The following ADAMTSL1 variants were observed in gnomAD, a reference collection of about 807,000 sequenced individuals.
ADAMTSL1 encodes the protein ADAMTS like 1.
In ADAMTSL1, 126 loss-of-function variants were observed where a neutral mutation model predicts 201.8. The observed-to-expected ratio is 0.62, with a 90% CI of 0.54 to 0.72. ADAMTSL1 has a LOEUF of 0.72. Among genes scored for constraint, ADAMTSL1 ranks in the 30% least tolerant of loss-of-function variants. ADAMTSL1 has a pLI of 0.00. For missense variants in ADAMTSL1, 2,679 were observed against 2,277.8 expected (o/e 1.18, Z -3.59); for synonymous variants, 1,121 against 903.4 (o/e 1.24, Z -4.32).
intron 2 of ADAMTSL1, among the ~76,000 whole-genome samples, chr9:18,417,196 A>T (rs1818713688): frequency 6.6e-6 from 1 of 151,976 alleles, no homozygotes; most frequent in South Asian, 2.1e-4. Context: ...AAATCAAGGA[A>T]AATTATAACG....
intron 1 of ADAMTSL1, among the ~76,000 whole-genome samples, chr9:18,030,419 G>A (rs891726394): frequency 1.3e-5 from 2 of 152,000 alleles, no homozygotes; most frequent in Admixed American, 1.3e-4. Flanking sequence ...AGTGGGGAGG[G>A]ATAGCATTAG....
At chr9:18,173,302 A>G (rs1240494178) in intron 2 of ADAMTSL1, among the ~76,000 whole-genome samples, 1 of 152,102 alleles carries the variant, frequency 6.6e-6, no homozygotes, top group African/African-American at 2.4e-5. Context: ...GATTTAATAT[A>G]TTTTTGCCTC....
At chr9:18,882,200 G>A (rs540414381) in intron 23 of ADAMTSL1, among the ~76,000 whole-genome samples, 1 of 152,252 alleles carries the variant, frequency 6.6e-6, no homozygotes, top group African/African-American at 2.4e-5. Context: ...TGAGGACTAT[G>A]AGAAAATATG....
At chr9:18,184,758 T>C (rs1295653541) in intron 2 of ADAMTSL1, among the ~76,000 whole-genome samples, 1 of 152,216 alleles carries the variant, frequency 6.6e-6, no homozygotes, top group African/African-American at 2.4e-5. Context: ...ATATTATTTC[T>C]TGAAAGTAGT....
intron 16 of ADAMTSL1, among the ~76,000 whole-genome samples, chr9:18,764,020 A>G (rs1200766954): frequency 6.6e-6 from 1 of 152,052 alleles, no homozygotes; most frequent in Non-Finnish European, 1.5e-5. Flanking sequence ...TTGTTTTTCT[A>G]TTTCTGTGAA....
chr9:18,862,063 G>A (rs183190478), intron 23 of ADAMTSL1, among the ~76,000 whole-genome samples: 3 of 152,248 alleles, frequency 2.0e-5, no homozygotes, highest in South Asian at 2.1e-4. Flanking sequence ...AGTCAGCAGC[G>A]GCTCCTTCCT....
At chr9:18,812,843 C>T (rs1823586991) in intron 20 of ADAMTSL1, among the ~76,000 whole-genome samples, 1 of 151,992 alleles carries the variant, frequency 6.6e-6, no homozygotes, top group South Asian at 2.1e-4. Context: ...GGATTCATTT[C>T]TGAGTTCTCT....
At chr9:18,059,414 A>G (rs1378276373) in intron 1 of ADAMTSL1, among the ~76,000 whole-genome samples, 1 of 152,170 alleles carries the variant, frequency 6.6e-6, no homozygotes, top group Non-Finnish European at 1.5e-5. Flanking sequence ...TGGAATGTGT[A>G]TAAAATTTTT....
intron 4 of ADAMTSL1, among the ~76,000 whole-genome samples, chr9:18,592,954 A>G (rs561120421): frequency 6.6e-6 from 1 of 152,190 alleles, no homozygotes; most frequent in African/African-American, 2.4e-5. Context: ...GTTAATACCT[A>G]GGTATTTTAT....
At chr9:18,798,168 T>C (rs1266357475) in intron 20 of ADAMTSL1, among the ~76,000 whole-genome samples, 2 of 151,830 alleles carry the variant, frequency 1.3e-5, no homozygotes, top group African/African-American at 2.4e-5. Flanking sequence ...TATGGACTTG[T>C]GTGTTGCCAG....
intron 2 of ADAMTSL1, among the ~76,000 whole-genome samples, chr9:18,533,043 C>G (rs117561534): frequency 0.022 from 3,357 of 152,044 alleles, 51 homozygotes; most frequent in Middle Eastern, 0.051. Flanking sequence ...TACTTAGTTT[C>G]AACCCTTATA....
rs376514508 is a variant in ADAMTSL1, at chr9:18,008,869, T to C, written c.87+101947T>C. Among the ~76,000 whole-genome samples, 10 of 151,998 alleles carry C rather than the reference T, an allele frequency of 6.6e-5. No individual in the cohort carries two copies. In the East Asian group the frequency reaches 1.6e-3, roughly 24 times the overall value. On this transcript the variant is annotated intron_variant, in intron 1 of 29. Coordinates refer to the ADAMTSL1 transcript ENST00000680146. ...AGATTCAGAACTGATTTACTTTATC[T>C]TGAACAAAAATGAAGACTACCTAAT... is the stretch of plus-strand genomic sequence containing the variant.
At chr9:18,747,150 A>G (rs943415495) in intron 15 of ADAMTSL1, among the ~76,000 whole-genome samples, 3 of 152,184 alleles carry the variant, frequency 2.0e-5, no homozygotes, top group African/African-American at 7.2e-5. Context: ...AGAGTATAAT[A>G]TAATAATTAG....
At chr9:18,375,444 T>A (rs1325480387) in intron 2 of ADAMTSL1, among the ~76,000 whole-genome samples, 1 of 152,206 alleles carries the variant, frequency 6.6e-6, no homozygotes, top group Non-Finnish European at 1.5e-5. Context: ...TAGAAGTATG[T>A]AAAGGTACAT....
At chr9:18,688,118 G>GTATATATA (rs71333061) in intron 13 of ADAMTSL1, among the ~76,000 whole-genome samples, 88 of 142,718 alleles carry the variant, frequency 6.2e-4, no homozygotes, top group African/African-American at 1.4e-3. Flanking sequence ...ATGTATGTAT[G>GTATATATA]TATATATATA....
chr9:18,726,229 G>A (rs185495423), intron 15 of ADAMTSL1, among the ~76,000 whole-genome samples: 7 of 152,272 alleles, frequency 4.6e-5, no homozygotes, highest in East Asian at 1.9e-4. Flanking sequence ...CAGTCTGGGC[G>A]TGGTGGCTCA....
At chr9:18,249,952 G>A (rs1831402515) in intron 2 of ADAMTSL1, among the ~76,000 whole-genome samples, 1 of 152,168 alleles carries the variant, frequency 6.6e-6, no homozygotes, top group African/African-American at 2.4e-5. Flanking sequence ...CATGTACTAT[G>A]AGACTCCTCA....
chr9:18,303,269 A>C (rs1380428406), intron 2 of ADAMTSL1, among the ~76,000 whole-genome samples: 1 of 152,218 alleles, frequency 6.6e-6, no homozygotes, highest in Non-Finnish European at 1.5e-5. Flanking sequence ...AGAGTTGTTG[A>C]ATGTCCTGCC....
chr9:18,057,357 A>G (rs1214018049), intron 1 of ADAMTSL1, among the ~76,000 whole-genome samples: 6 of 152,192 alleles, frequency 3.9e-5, no homozygotes, highest in Admixed American at 3.9e-4. Flanking sequence ...TGGGATGCTA[A>G]AGAATGATTT....
Sources: allele counts gnomAD v4.1 joint callset (sites outside exome capture counted in the v4.1 genomes callset), GRCh38; gene constraint gnomAD v4.1.1; transcripts MANE v1.5; gene names NCBI Gene and HGNC (gene_info 2026-07-23, HGNC 2026-07-21).